APCDD1: variants seen among roughly 807,000 people sequenced by gnomAD.
APCDD1 encodes APC down-regulated 1.
In APCDD1, 15 loss-of-function variants were observed where a neutral mutation model predicts 38.1. The ratio of observed to expected loss-of-function variants is 0.39; its 90% CI spans 0.26 to 0.61. The LOEUF (loss-of-function observed/expected upper bound fraction) is 0.61, where lower values mean the gene tolerates loss of function less well. Ranked by LOEUF, APCDD1 falls within the 20% of genes least tolerant of loss-of-function variation. The pLI, the probability that APCDD1 is intolerant of heterozygous loss-of-function variation, is 0.49. For synonymous variants in APCDD1, 261 were observed against 279.7 expected, an observed-to-expected ratio of 0.93 and a Z score of 0.67; for missense variants, 647 against 696.2, an observed-to-expected ratio of 0.93 and a Z score of 0.79.
Position 10,471,697 on chromosome 18 carries a change from T to A in APCDD1, c.410T>A (p.Ile137Asn). Residue 137 changes from isoleucine (I) to asparagine (N), a missense_variant, in exon 3 of 5, where the codon ATC becomes AAC. Coordinates refer to ENST00000355285, the MANE Select transcript of APCDD1 (RefSeq NM_153000.5). The surrounding 1 kb of genome is among the most constrained non-coding windows in gnomAD (Gnocchi z 5.5). Reference sequence around the variant, plus strand: ...CGCCTCCGCCAGGCCTCCTGGATCATCCGAGGGGGCACGGAAGCCGACTAC... The same window carrying A: ...CGCCTCCGCCAGGCCTCCTGGATCAACCGAGGGGGCACGGAAGCCGACTAC... ...KIRLRQASWI[I>N]RGGTEADYQL... 2 of 1,614,154 alleles carry A rather than the reference T, an allele frequency of 1.2e-6. No individual in the cohort carries two copies. Among genetic ancestry groups the A allele is most frequent in the Non-Finnish European group, 1.7e-6 (2 of 1,180,034 alleles).
At chr18:10,463,270 C>T (rs2030617639) in intron 1 of APCDD1, among the ~76,000 whole-genome samples, 1 of 152,146 alleles carries the variant, frequency 6.6e-6, no homozygotes, top group Non-Finnish European at 1.5e-5. Context: ...CTAGAGTCCT[C>T]TACAACCCTA....
chr18:10,474,414 G>C (rs1438991220), intron 3 of APCDD1, among the ~76,000 whole-genome samples: 2 of 152,140 alleles, frequency 1.3e-5, no homozygotes, highest in Non-Finnish European at 2.9e-5. Context: ...ACACCAAAGA[G>C]CCTCAAAACA....
At chr18:10,456,906 T>C (rs2030396160) in intron 1 of APCDD1, among the ~76,000 whole-genome samples, 1 of 152,212 alleles carries the variant, frequency 6.6e-6, no homozygotes, top group African/African-American at 2.4e-5. Flanking sequence ...CAGTCTGAGC[T>C]ATAAATGGGA....
intron 1 of APCDD1, among the ~76,000 whole-genome samples, chr18:10,461,863 ATTAT>A (rs1467261491): frequency 7.2e-5 from 11 of 152,168 alleles, no homozygotes; most frequent in Non-Finnish European, 1.2e-4. Context: ...AAATGTTGAC[ATTAT>A]TTGTGTGTGT....
Position 10,488,018 on chromosome 18 carries a change from C to T in APCDD1, c.1525C>T (p.His509Tyr). Residue 509 changes from histidine (H) to tyrosine (Y), a missense_variant, in exon 5 of 5, where the codon CAT becomes TAT. By Grantham distance (83) the His-to-Tyr change is moderately conservative. Coordinates refer to ENST00000355285, the MANE Select transcript of APCDD1 (RefSeq NM_153000.5). ...AALACLVPLLHWNIRR is the reference protein window; with the variant it reads ...AALACLVPLLYWNIRR The stretch of plus-strand genomic sequence containing the variant: ...ACTTGCCTGCCTTGTCCCTCTGCTG[C>T]ATTGGAACATCCGCAGATAGAAGTT... The T allele has an allele frequency of 6.2e-7, 1 of 1,613,822 alleles. No homozygotes were observed. The highest frequency in any genetic ancestry group is 8.5e-7 in the Non-Finnish European group (1 of 1,180,044).
chr18:10,474,386 G>T (rs1268713378), intron 3 of APCDD1: 1 of 152,256 alleles, frequency 6.6e-6, no homozygotes, highest in Non-Finnish European at 1.5e-5. Context: ...GGAAAAGCCT[G>T]CCCACTTTCT....
At position 10,487,826 on chromosome 18, in the gene APCDD1, G is replaced by A. The variant is rs1224417735; in HGVS notation, c.1333G>A (p.Asp445Asn). ...GCTGTTCAACGGTCAGAGGCCCAGCGACGGGTCCAGCCCAGACAGGCCAGA... is the reference window on the plus strand; with the variant it reads ...GCTGTTCAACGGTCAGAGGCCCAGCAACGGGTCCAGCCCAGACAGGCCAGA... Reference protein sequence around the residue: ...YLLFNGQRPSDGSSPDRPEKR... With the variant: ...YLLFNGQRPSNGSSPDRPEKR... The change falls in exon 5 of 5, where the codon GAC (aspartate) becomes AAC (asparagine). Residue 445 changes from aspartate (D) to asparagine (N), a missense_variant. Physicochemically the swap from Asp to Asn is conservative, Grantham distance 23. Transcript: ENST00000355285. 1.5e-5 allele frequency: 25 copies of A among 1,613,926 alleles called. No individual in the cohort carries two copies. Among genetic ancestry groups the A allele is most frequent in the Non-Finnish European group, 1.9e-5 (22 of 1,180,048 alleles).
rs745410053 is a variant in APCDD1, at chr18:10,485,748, C to G, written c.1061C>G (p.Ser354Cys). The stretch of plus-strand genomic sequence containing the variant: ...CGCTACAGCCGCGGCGTCCTCTCGT[C>G]CAGGGTCATGGGAGGCACCGAGTTC... ...RGRYSRGVLS[S>C]RVMGGTEFVF... is the part of the protein sequence containing the mutation. The change falls in exon 4 of 5, where the codon TCC becomes TGC. Residue 354 changes from serine (S) to cysteine (C), a missense_variant. By Grantham distance (112) the Ser-to-Cys change is moderately radical. Coordinates refer to ENST00000355285, the MANE Select transcript of APCDD1 (RefSeq NM_153000.5). This position sits in a 1 kb window ranked among gnomAD's most constrained non-coding sequence, Gnocchi z 5.8. The G allele has an allele frequency of 6.2e-7, 1 of 1,613,880 alleles. No homozygotes were observed. Among genetic ancestry groups the G allele is most frequent in the South Asian group, 1.1e-5 (1 of 91,088 alleles).
At chr18:10,459,855 C>G (rs2030485110) in intron 1 of APCDD1, among the ~76,000 whole-genome samples, 1 of 96,634 alleles carries the variant, frequency 1.0e-5, no homozygotes, top group African/African-American at 6.2e-5. Flanking sequence ...CACAACAATT[C>G]TAACGAGAAC....
chr18:10,463,625 C>T (rs911603271), intron 1 of APCDD1, among the ~76,000 whole-genome samples: 7 of 152,132 alleles, frequency 4.6e-5, no homozygotes, highest in African/African-American at 1.7e-4. Flanking sequence ...AAGTAGTACT[C>T]ACAGGAAAGT....
Position 10,456,397 on chromosome 18 carries a change from G to C in APCDD1, c.58+1358G>C, listed in dbSNP as rs190267873. Reference sequence around the variant, plus strand: ...TGAAACAAATCAGAGCCAATGAACAGATCAAACAGCAGCTGCCACACACAC... The same window carrying C: ...TGAAACAAATCAGAGCCAATGAACACATCAAACAGCAGCTGCCACACACAC... On this transcript the variant is annotated intron_variant, in intron 1 of 4. Coordinates refer to ENST00000355285, the MANE Select transcript of APCDD1 (RefSeq NM_153000.5). 3.5e-4 allele frequency among the ~76,000 whole-genome samples: 53 copies of C among 152,200 alleles called. No individual in the cohort carries two copies. In the East Asian group the frequency reaches 7.7e-3, roughly 22 times the overall value.
Position 10,470,214 on chromosome 18 carries a change from C to T in APCDD1, c.243-1316C>T, listed in dbSNP as rs764865281. The stretch of plus-strand genomic sequence containing the variant: ...GTACGTGGCAGGCAGAATCAACAGA[C>T]TGTTGATGCTTAGATTAAAAAATTA... On this transcript the variant is annotated intron_variant, in intron 2 of 4. Coordinates refer to ENST00000355285, the MANE Select transcript of APCDD1 (RefSeq NM_153000.5). The surrounding 1 kb of genome is among the most constrained non-coding windows in gnomAD (Gnocchi z 4.1). 1.3e-5 allele frequency among the ~76,000 whole-genome samples: 2 copies of T among 152,182 alleles called. No homozygotes were observed. Among genetic ancestry groups the T allele is most frequent in the Non-Finnish European group, 2.9e-5 (2 of 68,028 alleles).
intron 1 of APCDD1, among the ~76,000 whole-genome samples, chr18:10,461,630 A>G (rs970239177): frequency 2.0e-5 from 3 of 152,228 alleles, no homozygotes; most frequent in African/African-American, 4.8e-5. Flanking sequence ...AGTCATTATC[A>G]TCATGATCAT....
intron 3 of APCDD1, among the ~76,000 whole-genome samples, chr18:10,478,350 G>T (rs2031055807): frequency 6.6e-6 from 1 of 152,230 alleles, no homozygotes; most frequent in South Asian, 2.1e-4. Flanking sequence ...CTGAGGGGCT[G>T]CCCTCACCTG....
At position 10,485,528 on chromosome 18, in the gene APCDD1, C is replaced by A; in HGVS notation, c.841C>A (p.Leu281Met). 1 of 1,614,202 alleles carries A rather than the reference C, an allele frequency of 6.2e-7. No homozygotes were observed. The highest frequency in any genetic ancestry group is 1.1e-5 in the South Asian group (1 of 91,086). The change falls in exon 4 of 5, where the codon CTG becomes ATG. Residue 281 changes from leucine (L) to methionine (M), a missense_variant. Leu to Met is a conservative substitution (Grantham distance 15, BLOSUM62 2). Coordinates refer to ENST00000355285, the MANE Select transcript of APCDD1 (RefSeq NM_153000.5). This position sits in a 1 kb window ranked among gnomAD's most constrained non-coding sequence, Gnocchi z 5.8. ...YRSDEHHPPI[L>M]PPKADLTIGL... ...GTCAGACGAGCACCACCCTCCCATCCTGCCCCCAAAGGCAGACCTGACCAT... is the reference window on the plus strand; with the variant it reads ...GTCAGACGAGCACCACCCTCCCATCATGCCCCCAAAGGCAGACCTGACCAT...
chr18:10,482,089 C>T (rs1033857247), intron 3 of APCDD1, among the ~76,000 whole-genome samples: 1 of 152,148 alleles, frequency 6.6e-6, no homozygotes, highest in Admixed American at 6.5e-5. Flanking sequence ...AGTTGCTCCT[C>T]GACGTCATCC....
At chr18:10,484,439 A>G (rs2143561553) in intron 3 of APCDD1, among the ~76,000 whole-genome samples, 1 of 152,364 alleles carries the variant, frequency 6.6e-6, no homozygotes, top group African/African-American at 2.4e-5. Context: ...TAAAATACAC[A>G]TAATGTAAAA....
At position 10,471,857 on chromosome 18, in the gene APCDD1, G is replaced by T; in HGVS notation, c.570G>T (p.Trp190Cys). The change falls in exon 3 of 5, where the codon TGG (tryptophan) becomes TGT (cysteine). Residue 190 changes from tryptophan to cysteine, a missense_variant. Coordinates refer to ENST00000355285, the MANE Select transcript of APCDD1 (RefSeq NM_153000.5). The surrounding 1 kb of genome is among the most constrained non-coding windows in gnomAD (Gnocchi z 5.5). ...PWVQDVAYDL[W>C]REENGCECTK... is the part of the protein sequence containing the mutation. The stretch of plus-strand genomic sequence containing the variant: ...TGCAGGACGTGGCCTATGACCTCTG[G>T]CGAGAGGAGAACGGCTGTGAGTGCA... The T allele has an allele frequency of 6.2e-7, 1 of 1,614,202 alleles. No homozygotes were observed. Among genetic ancestry groups the T allele is most frequent in the Non-Finnish European group, 8.5e-7 (1 of 1,180,040 alleles).
At chr18:10,466,510 T>A (rs915788461) in intron 1 of APCDD1, among the ~76,000 whole-genome samples, 11 of 152,246 alleles carry the variant, frequency 7.2e-5, no homozygotes, top group African/African-American at 2.6e-4. Flanking sequence ...CCTCACCCCC[T>A]GGGGGAGCTG....
Sources: allele counts gnomAD v4.1 joint callset (sites outside exome capture counted in the v4.1 genomes callset), GRCh38; gene constraint gnomAD v4.1.1; non-coding constraint Gnocchi (gnomAD v3.1); transcripts MANE v1.5; gene names NCBI Gene and HGNC (gene_info 2026-07-23, HGNC 2026-07-21).